Variants in PTK2B observed in about 807,000 individuals in gnomAD.
The protein encoded by PTK2B is protein tyrosine kinase 2 beta, also known as protein-tyrosine kinase 2-beta.
In PTK2B, 71 loss-of-function variants were observed where a neutral mutation model predicts 142.9. The observed-to-expected ratio is 0.50, with a 90% CI of 0.41 to 0.61. The LOEUF is 0.61. Among genes scored for constraint, PTK2B ranks in the 20% least tolerant of loss-of-function variants. The probability of loss-of-function intolerance (pLI) is 0.00; values close to 1 mark genes in which losing one functional copy is unlikely to be tolerated. For missense variants in PTK2B, 1,105 were observed against 1,320.4 expected (o/e 0.84, Z 2.53); for synonymous variants, 519 against 503.4 (o/e 1.03, Z -0.42).
At chr8:27,405,104 C>T (rs1280909424) in intron 2 of PTK2B, among the ~76,000 whole-genome samples, 1 of 145,686 alleles carries the variant, frequency 6.9e-6, no homozygotes, top group East Asian at 2.0e-4. Flanking sequence ...AGGTGTACTT[C>T]TGTAAATGAG....
chr8:27,439,310 C>T lies in PTK2B; in HGVS notation c.1746C>T (p.Ala582=). The T allele has an allele frequency of 1.9e-6, 3 of 1,613,390 alleles. No homozygotes were observed. Among genetic ancestry groups the T allele is most frequent in the Non-Finnish European group, 2.5e-6 (3 of 1,179,308 alleles). ...ATCAACCTCTTTGCCCACCCAAAGC[C>T]TCTGTGACTCGTCTCCCCATCAAAT... ...RYIEDEDYYK[A]SVTRLPIKWM... Residue 582 remains alanine (A), a splice_region_variant and synonymous_variant, in exon 20 of 31, where the codon GCC becomes GCT. Coordinates refer to ENST00000346049, the MANE Select transcript of PTK2B (RefSeq NM_173176.3).
rs1805838234 is a variant in PTK2B, at chr8:27,363,482, G to A, written c.-37-34066G>A. Among the ~76,000 whole-genome samples the A allele has an allele frequency of 6.6e-6, 1 of 152,154 alleles. No homozygotes were observed. ...CAATGGGACAGGTTGCAGAAATGTT[G>A]AGAGAGTGAGTTTCTCATCACTAGA... On this transcript the variant is annotated intron_variant, in intron 1 of 30. Coordinates refer to ENST00000346049, the MANE Select transcript of PTK2B (RefSeq NM_173176.3). The surrounding 1 kb of genome is among the most constrained non-coding windows in gnomAD (Gnocchi z 4.3).
intron 3 of PTK2B, among the ~76,000 whole-genome samples, chr8:27,318,893 T>C (rs188028971): frequency 1.3e-5 from 2 of 152,210 alleles, no homozygotes; most frequent in African/African-American, 4.8e-5. Context: ...TGAAGTGATC[T>C]GCCCACCTCA....
intron 1 of PTK2B, among the ~76,000 whole-genome samples, chr8:27,356,994 C>T (rs1008136539): frequency 5.3e-5 from 8 of 152,264 alleles, no homozygotes; most frequent in Admixed American, 4.6e-4. Context: ...GTGATGGTCT[C>T]ATGAGTGTGT....
At chr8:27,442,527 A>G (rs945356652) in intron 21 of PTK2B, among the ~76,000 whole-genome samples, 1 of 152,240 alleles carries the variant, frequency 6.6e-6, no homozygotes, top group African/African-American at 2.4e-5. Context: ...GGAAATCTAC[A>G]TAGGGGTTTG....
intron 28 of PTK2B, 48 bp downstream of exon 28, chr8:27,453,208 C>T: frequency 6.2e-7 from 1 of 1,600,644 alleles, no homozygotes; most frequent in Non-Finnish European, 8.6e-7. Flanking sequence ...GGGGGTTGCA[C>T]AAAACTGAAG....
chr8:27,451,854 C>A, intron 27 of PTK2B: 2 of 939,190 alleles, frequency 2.1e-6, no homozygotes, highest in Non-Finnish European at 2.7e-6. Flanking sequence ...TAAGCAGTGC[C>A]ACCTGCCTGT....
rs1199975192 is a variant in PTK2B, at chr8:27,459,146, CA to C, written c.*638del. ...GCTGTGTTGTCAACAAACCAAGCAT[CA>C]GGGGGAAGAAGCAGAGAGATGCGGC... On this transcript the variant is annotated 3_prime_UTR_variant, in exon 31 of 31. Coordinates refer to ENST00000346049, the MANE Select transcript of PTK2B (RefSeq NM_173176.3). 3 of 236,800 alleles carry C rather than the reference CA, an allele frequency of 1.3e-5. No homozygotes were observed. The highest frequency in any genetic ancestry group is 6.6e-5 in the African/African-American group (3 of 45,340). 14.7% of individuals were successfully genotyped at this position (236,800 alleles called of 1,614,324 possible). A position where few individuals can be genotyped will look rare whatever the true frequency, so the allele number is the denominator to read the frequency against.
At chr8:27,356,070 A>G (rs1805375284) in intron 1 of PTK2B, among the ~76,000 whole-genome samples, 1 of 152,034 alleles carries the variant, frequency 6.6e-6, no homozygotes, top group African/African-American at 2.4e-5. Flanking sequence ...GAATAGTAAC[A>G]CCTTGGAGCC....
rs755595975 is a variant in PTK2B at position 27,453,175 on chromosome 8, T to C, written c.2595+15T>C. ...TGGGCGCACAGGTATGTGTTGGCTC[T>C]GCTGAAACTGATAAATGAGAGTGGG... is the stretch of plus-strand genomic sequence containing the variant. On this transcript the variant is annotated intron_variant, in intron 28 of 30. Transcript: ENST00000346049. The C allele has an allele frequency of 1.9e-6, 3 of 1,613,966 alleles. No homozygotes were observed. The highest frequency in any genetic ancestry group is 1.7e-5 in the Admixed American group (1 of 59,990).
chr8:27,326,620 T>A (rs762327677), intron 1 of PTK2B, among the ~76,000 whole-genome samples: 9 of 152,046 alleles, frequency 5.9e-5, no homozygotes, highest in Admixed American at 2.0e-4. Context: ...GCACGTGGTG[T>A]GATGTGGTGG....
chr8:27,434,646 GT>G (rs1776646422), intron 13 of PTK2B, 87 bp downstream of exon 13: 1 of 1,415,822 alleles, frequency 7.1e-7, no homozygotes, highest in Non-Finnish European at 9.6e-7. Flanking sequence ...ATTGCCGAGG[GT>G]TTCCTCCAAG....
chr8:27,350,134 G>T (rs1324923335), intron 1 of PTK2B, among the ~76,000 whole-genome samples: 1 of 152,210 alleles, frequency 6.6e-6, no homozygotes, highest in Non-Finnish European at 1.5e-5. Flanking sequence ...CGCTAGTGTA[G>T]GTGTTTGAAG....
intron 1 of PTK2B, among the ~76,000 whole-genome samples, chr8:27,332,668 A>G (rs149048209): frequency 1.9e-3 from 294 of 151,896 alleles, no homozygotes; most frequent in African/African-American, 6.8e-3. Context: ...AGCAACCTTG[A>G]CCTCTCAGGC....
upstream of PTK2B, among the ~76,000 whole-genome samples, chr8:27,310,591 G>T (rs941166460): frequency 6.6e-6 from 1 of 152,240 alleles, no homozygotes; most frequent in African/African-American, 2.4e-5. Flanking sequence ...CTTTCCGTTC[G>T]CATTCTCTTC....
intron 3 of PTK2B, among the ~76,000 whole-genome samples, chr8:27,317,778 G>A (rs934126684): frequency 1.3e-5 from 2 of 152,112 alleles, no homozygotes; most frequent in Non-Finnish European, 2.9e-5. Context: ...GCCCCTGTAG[G>A]CATTTCGGCT....
intron 1 of PTK2B, among the ~76,000 whole-genome samples, chr8:27,331,083 T>C (rs1389825908): frequency 1.3e-5 from 2 of 152,180 alleles, no homozygotes; most frequent in African/African-American, 4.8e-5. Flanking sequence ...TCTGGTAAGA[T>C]CACTCACTAG....
chr8:27,326,277 T>C (rs7005866), intron 1 of PTK2B, among the ~76,000 whole-genome samples: 47,376 of 151,000 alleles, frequency 0.31, 8,162 homozygotes, highest in Middle Eastern at 0.48. Flanking sequence ...ACACTGGCCA[T>C]TCTGGTATCT....
intron 1 of PTK2B, among the ~76,000 whole-genome samples, chr8:27,338,718 T>C (rs1050791138): frequency 6.6e-6 from 1 of 152,244 alleles, no homozygotes; most frequent in African/African-American, 2.4e-5. Flanking sequence ...CAAAATAAGA[T>C]AATTGAGAAA....
Sources: allele counts gnomAD v4.1 joint callset (sites outside exome capture counted in the v4.1 genomes callset), GRCh38; gene constraint gnomAD v4.1.1; non-coding constraint Gnocchi (gnomAD v3.1); transcripts MANE v1.5; gene names NCBI Gene and HGNC (gene_info 2026-07-23, HGNC 2026-07-21).